The following PDE1C variants were observed in gnomAD, a reference collection of about 807,000 sequenced individuals.
PDE1C encodes the protein phosphodiesterase 1C, also known as dual specificity calcium/calmodulin-dependent 3',5'-cyclic nucleotide phosphodiesterase 1C.
A neutral mutation model predicts 93.1 loss-of-function variants in PDE1C; 62 were observed. That is an observed-to-expected ratio of 0.67 (90% CI 0.54 to 0.82). PDE1C has a LOEUF of 0.82. PDE1C is among the 40% of genes least tolerant of loss of function. The probability of loss-of-function intolerance (pLI) is 0.00; values close to 1 mark genes in which losing one functional copy is unlikely to be tolerated. For missense variants in PDE1C, 742 were observed against 884.6 expected (o/e 0.84, Z 2.04); for synonymous variants, 325 against 310.1 (o/e 1.05, Z -0.50).
chr7:32,029,815 G>A (rs1790045228), intron 2 of PDE1C, among the ~76,000 whole-genome samples: 1 of 152,006 alleles, frequency 6.6e-6, no homozygotes, highest in Admixed American at 6.6e-5. Context: ...AGAAAGCAGA[G>A]TTTAGCCAAT....
the PDE1C span, chr7:31,652,780 C>T: frequency 6.2e-7 from 1 of 1,613,834 alleles, no homozygotes; most frequent in Non-Finnish European, 8.5e-7. Flanking sequence ...GGTCCAACCC[C>T]TTTGTCAAAT....
At chr7:32,001,152 T>A (rs1267368899) in intron 2 of PDE1C, among the ~76,000 whole-genome samples, 1 of 152,170 alleles carries the variant, frequency 6.6e-6, no homozygotes, top group Non-Finnish European at 1.5e-5. Context: ...TCTTAAAGAA[T>A]ACAGAAGAAA....
At chr7:31,844,446 T>G (rs532126387) in intron 9 of PDE1C, among the ~76,000 whole-genome samples, 5 of 151,858 alleles carry the variant, frequency 3.3e-5, no homozygotes, top group African/African-American at 1.2e-4. Flanking sequence ...TGTTGGCTTT[T>G]TGTTTTCTTT....
chr7:31,622,809 G>A, the PDE1C span, among the ~76,000 whole-genome samples: 5 of 152,070 alleles, frequency 3.3e-5, no homozygotes, highest in Admixed American at 2.6e-4. Flanking sequence ...AAAAATTAAT[G>A]AATCCAGGAG....
upstream of PDE1C, among the ~76,000 whole-genome samples, chr7:32,071,977 C>T (rs1172988596): frequency 6.7e-6 from 1 of 149,414 alleles, no homozygotes; most frequent in African/African-American, 2.5e-5. Context: ...TTCCATCACA[C>T]TCTCAGAATT....
intron 2 of PDE1C, among the ~76,000 whole-genome samples, chr7:31,904,151 T>C (rs528492375): frequency 2.0e-5 from 3 of 152,246 alleles, no homozygotes; most frequent in South Asian, 4.1e-4. Context: ...CAGAGAGTGC[T>C]ATATGCAGCC....
chr7:31,764,721 A>G (rs978768510), intron 17 of PDE1C, among the ~76,000 whole-genome samples: 3 of 152,220 alleles, frequency 2.0e-5, no homozygotes, highest in Admixed American at 1.3e-4. Context: ...GCCTTATTCC[A>G]TAAATAACTC....
chr7:32,373,956 C>A (rs1784374937), intron 1 of PDE1C, among the ~76,000 whole-genome samples: 1 of 151,702 alleles, frequency 6.6e-6, no homozygotes, highest in South Asian at 2.1e-4. Context: ...AAGATCGCGC[C>A]ACTGCACTCC....
chr7:32,204,578 T>C (rs893822516), intron 2 of PDE1C, among the ~76,000 whole-genome samples: 1 of 152,228 alleles, frequency 6.6e-6, no homozygotes, highest in African/African-American at 2.4e-5. Context: ...GCCACCAAAA[T>C]CTGGGCTTTT....
chr7:32,044,797 G>T (rs1792299113), intron 2 of PDE1C, among the ~76,000 whole-genome samples: 1 of 152,100 alleles, frequency 6.6e-6, no homozygotes, highest in Non-Finnish European at 1.5e-5. Flanking sequence ...ATGGAAGAAT[G>T]GTAGTAATTA....
chr7:32,180,268 C>T (rs1803303921), intron 2 of PDE1C, among the ~76,000 whole-genome samples: 1 of 152,152 alleles, frequency 6.6e-6, no homozygotes, highest in Non-Finnish European at 1.5e-5. Context: ...AATTTAACTC[C>T]TTATCATACA....
At chr7:32,283,786 G>A (rs1189301511) in intron 1 of PDE1C, among the ~76,000 whole-genome samples, 1 of 152,136 alleles carries the variant, frequency 6.6e-6, no homozygotes, top group Non-Finnish European at 1.5e-5. Context: ...CCTCATTAAG[G>A]GCATCTGTTC....
intron 1 of PDE1C, among the ~76,000 whole-genome samples, chr7:32,248,692 G>A (rs1274964566): frequency 6.6e-6 from 1 of 152,190 alleles, no homozygotes; most frequent in Non-Finnish European, 1.5e-5. Context: ...CTCTCATCAA[G>A]TAGACATGCC....
the PDE1C span, among the ~76,000 whole-genome samples, chr7:31,657,129 AAT>A: frequency 2.7e-5 from 4 of 148,476 alleles, no homozygotes; most frequent in Non-Finnish European, 4.5e-5. Context: ...ATATATATCA[AAT>A]ATATATAATC....
chr7:32,076,756 C>A (rs1392152211), intron 3 of PDE1C, among the ~76,000 whole-genome samples: 1 of 151,818 alleles, frequency 6.6e-6, no homozygotes, highest in Non-Finnish European at 1.5e-5. Flanking sequence ...GTCCATTGAG[C>A]CCCCTGATCC....
At chr7:31,937,364 A>G (rs1217059327) in intron 2 of PDE1C, among the ~76,000 whole-genome samples, 1 of 152,208 alleles carries the variant, frequency 6.6e-6, no homozygotes. Flanking sequence ...GTACTATACC[A>G]GAGTCAGGTT....
At chr7:32,286,199 G>C (rs1431746026) in intron 1 of PDE1C, among the ~76,000 whole-genome samples, 3 of 152,212 alleles carry the variant, frequency 2.0e-5, no homozygotes, top group Non-Finnish European at 4.4e-5. Context: ...GGGATGTTAA[G>C]AGGAGATGAT....
the PDE1C span, among the ~76,000 whole-genome samples, chr7:31,735,144 A>G: frequency 1.3e-5 from 2 of 152,332 alleles, no homozygotes; most frequent in East Asian, 3.9e-4. Flanking sequence ...CACGCCTGAA[A>G]TCCCAGCACT....
intron 2 of PDE1C, among the ~76,000 whole-genome samples, chr7:32,016,253 A>C (rs1267298890): frequency 6.6e-6 from 1 of 152,174 alleles, no homozygotes; most frequent in Non-Finnish European, 1.5e-5. Flanking sequence ...CGCTTTAATA[A>C]AGCTGTTTTC....
Sources: allele counts gnomAD v4.1 joint callset (sites outside exome capture counted in the v4.1 genomes callset), GRCh38; gene constraint gnomAD v4.1.1; transcripts MANE v1.5; gene names NCBI Gene and HGNC (gene_info 2026-07-23, HGNC 2026-07-21).